Variants in FNDC5 observed in about 807,000 individuals in gnomAD.
The protein encoded by FNDC5 is fibronectin type III domain containing 5.
In FNDC5, 10 loss-of-function variants were observed where a neutral mutation model predicts 24.6. The observed-to-expected ratio is 0.41, with a 90% CI of 0.25 to 0.69. The LOEUF (loss-of-function observed/expected upper bound fraction) is 0.69, where lower values mean the gene tolerates loss of function less well. Among genes scored for constraint, FNDC5 ranks in the 30% least tolerant of loss-of-function variants. The pLI is 0.34. For synonymous variants in FNDC5, 90 were observed against 110.7 expected (o/e 0.81, Z 1.18); for missense variants, 226 against 282.9 (o/e 0.80, Z 1.44).
rs921152130 is a variant in FNDC5 at position 32,864,394 on chromosome 1, T to TC, written c.634-96dup. ...AGCAGGAATGGGCCAGACACCCCACTCCTATTGTCCCGCGCCAACCAAGAA... is the reference window on the plus strand; with the variant it reads ...AGCAGGAATGGGCCAGACACCCCACTCCCTATTGTCCCGCGCCAACCAAGAA... On this transcript the variant is annotated intron_variant, in intron 5 of 5. Transcript: ENST00000373471. 31 of 1,567,592 alleles carry TC rather than the reference T, an allele frequency of 2.0e-5. 1 individual carries two copies. The Middle Eastern group carries it at 1.3e-3, about 68-fold the overall frequency.
At position 32,868,642 on chromosome 1, in the gene FNDC5, G is replaced by C. The variant is rs1003335089; in HGVS notation, c.210+240C>G. Among the ~76,000 whole-genome samples the C allele has an allele frequency of 2.0e-5, 3 of 152,058 alleles. No individual in the cohort carries two copies. Among genetic ancestry groups the C allele is most frequent in the Non-Finnish European group, 2.9e-5 (2 of 68,014 alleles). The stretch of plus-strand genomic sequence containing the variant: ...CTGAGATCAAAACCTTAATTTCTGT[G>C]TTCCACTTGAAAGTTCCCAAACCCT... On this transcript the variant is annotated intron_variant, in intron 2 of 5. Coordinates refer to ENST00000373471, the MANE Select transcript of FNDC5 (RefSeq NM_153756.3). This position sits in a 1 kb window ranked among gnomAD's most constrained non-coding sequence, Gnocchi z 4.8.
At chr1:32,871,844 A>G (rs374173444), upstream of FNDC5, among the ~76,000 whole-genome samples, 83 of 152,298 alleles carry the variant, frequency 5.4e-4, 1 homozygote, top group African/African-American at 1.9e-3. Context: ...TGAGAAGGGG[A>G]GTGGCTCCAG....
At chr1:32,866,989 C>A (rs10914629) in intron 4 of FNDC5, among the ~76,000 whole-genome samples, 104,310 of 151,944 alleles carry the variant, frequency 0.69, 35,921 homozygotes, top group East Asian at 0.79. Flanking sequence ...ACTCAGGAGG[C>A]TAAGGCATGA....
At chr1:32,864,390 C>A in intron 5 of FNDC5, 91 bp from the exon 6 acceptor site, 1 of 1,578,528 alleles carries the variant, frequency 6.3e-7, no homozygotes. Flanking sequence ...GCCAGACACC[C>A]CACTCCTATT....
At chr1:32,867,935 G>A in intron 3 of FNDC5, 93 bp from the exon 4 acceptor site, 3 of 1,280,554 alleles carry the variant, frequency 2.3e-6, no homozygotes, top group Non-Finnish European at 3.4e-6. Context: ...GATTTCTACA[G>A]GTGCCCACAC....
At chr1:32,864,891 A>G in intron 4 of FNDC5, 94 bp from the exon 5 acceptor site, 1 of 1,535,414 alleles carries the variant, frequency 6.5e-7, no homozygotes, top group Non-Finnish European at 8.8e-7. Context: ...GTCTCTCCAG[A>G]TTGTACCTCA....
intron 4 of FNDC5, among the ~76,000 whole-genome samples, chr1:32,866,186 A>G (rs1186646198): frequency 6.6e-6 from 1 of 152,146 alleles, no homozygotes; most frequent in Non-Finnish European, 1.5e-5. Context: ...TTATATTGTT[A>G]TGATTATATA....
chr1:32,863,780 G>A lies in FNDC5; in HGVS notation c.*514C>T, dbSNP rs892357196. ...TCACTGAGGGCTTGTTTGGAAACTG[G>A]GAGGAAAAAAATGAGAGAAGCAGCC... On this transcript the variant is annotated 3_prime_UTR_variant, in exon 6 of 6. Transcript: ENST00000373471. The A allele has an allele frequency of 7.7e-7, 1 of 1,304,584 alleles. No homozygotes were observed. Among genetic ancestry groups the A allele is most frequent in the African/African-American group, 1.5e-5 (1 of 65,970 alleles). The allele number at this position is 1,304,584 out of a possible 1,614,324, so 80.8% of individuals were successfully genotyped here.
At chr1:32,871,888 T>A (rs1641190853), upstream of FNDC5, among the ~76,000 whole-genome samples, 1 of 152,068 alleles carries the variant, frequency 6.6e-6, no homozygotes, top group African/African-American at 2.4e-5. Flanking sequence ...AGAAACAAGG[T>A]GGAGGAGAGA....
At position 32,869,877 on chromosome 1, in the gene FNDC5, CAG is replaced by C. The variant is rs1387413093; in HGVS notation, c.94+774_94+775del. Among the ~76,000 whole-genome samples the C allele has an allele frequency of 3.9e-5, 6 of 152,150 alleles. No individual in the cohort carries two copies. In the East Asian group the frequency reaches 7.7e-4, roughly 20 times the overall value. ...CGCCTGAGCAGCACCCCTCACCCCA[CAG>C]AGAGTGAACTTGAGACCCAGGGGGC... On this transcript the variant is annotated intron_variant, in intron 1 of 5. Transcript: ENST00000373471.
In FNDC5 at chr1:32,870,444, A is replaced by C. The variant is rs1641158712; in HGVS notation, c.94+209T>G. Among the ~76,000 whole-genome samples the C allele has an allele frequency of 3.9e-5, 6 of 152,150 alleles. No homozygotes were observed. In the South Asian group the frequency reaches 1.2e-3, roughly 32 times the overall value. On this transcript the variant is annotated intron_variant, in intron 1 of 5. Coordinates refer to ENST00000373471, the MANE Select transcript of FNDC5 (RefSeq NM_153756.3). ...GGGACCACAAGACCCTAGGAAACCCAGGGCTGAGGTGACAGGGGAGATTTG... is the reference window on the plus strand; with the variant it reads ...GGGACCACAAGACCCTAGGAAACCCCGGGCTGAGGTGACAGGGGAGATTTG...
At chr1:32,864,567 C>T in intron 5 of FNDC5, 97 bp downstream of exon 5, 4 of 1,583,324 alleles carry the variant, frequency 2.5e-6, no homozygotes, top group Non-Finnish European at 3.4e-6. Flanking sequence ...GCCCAGCTGT[C>T]GCCATGCCAG....
In FNDC5 at chr1:32,870,749, T is replaced by C; in HGVS notation, c.-3A>G. The C allele has an allele frequency of 8.8e-7, 1 of 1,130,940 alleles. No homozygotes were observed. The highest frequency in any genetic ancestry group is 1.1e-6 in the Non-Finnish European group (1 of 924,202). The allele number at this position is 1,130,940 out of a possible 1,614,324, so 70.1% of individuals were successfully genotyped here. On this transcript the variant is annotated 5_prime_UTR_variant, in exon 1 of 6. Coordinates refer to ENST00000373471, the MANE Select transcript of FNDC5 (RefSeq NM_153756.3). Reference sequence around the variant, plus strand: ...GCGCTCGGCGACCCGGGGTGTATGGTGGCTCCTCCGGCCGGCAGGCCCGGG... The same window carrying C: ...GCGCTCGGCGACCCGGGGTGTATGGCGGCTCCTCCGGCCGGCAGGCCCGGG...
chr1:32,871,607 A>G (rs948793864), upstream of FNDC5, among the ~76,000 whole-genome samples: 2 of 152,202 alleles, frequency 1.3e-5, no homozygotes, highest in African/African-American at 4.8e-5. Flanking sequence ...CACACTTTGC[A>G]CAGGAGGAGC....
At chr1:32,867,726 G>A (rs981566156) in intron 4 of FNDC5, 27 bp downstream of exon 4, 6 of 1,606,996 alleles carry the variant, frequency 3.7e-6, no homozygotes, top group Non-Finnish European at 5.1e-6. Flanking sequence ...TCTGAGGGAA[G>A]AAGAAGGTCT....
Position 32,870,761 on chromosome 1 carries a change from CCGGCAGGCCCGGGG to C in FNDC5, c.-29_-16del. ...CCGGGGTGTATGGTGGCTCCTCCGG[CCGGCAGGCCCGGGG>C]CGGCGCAGGGGGACGCGGCTCCGGC... On this transcript the variant is annotated 5_prime_UTR_variant, in exon 1 of 6. Transcript: ENST00000373471. 2 of 1,073,074 alleles carry C rather than the reference CCGGCAGGCCCGGGG, an allele frequency of 1.9e-6. No homozygotes were observed. The highest frequency in any genetic ancestry group is 2.3e-6 in the Non-Finnish European group (2 of 885,840). 66.5% of individuals were successfully genotyped at this position (1,073,074 alleles called of 1,614,324 possible).
Position 32,870,700 on chromosome 1 carries a change from G to A in FNDC5, c.47C>T (p.Ala16Val). The A allele has an allele frequency of 8.4e-7, 1 of 1,197,334 alleles. No homozygotes were observed. Among genetic ancestry groups the A allele is most frequent in the Non-Finnish European group, 1.0e-6 (1 of 966,020 alleles). 74.2% of individuals were successfully genotyped at this position (1,197,334 alleles called of 1,614,324 possible). Residue 16 changes from alanine to valine, a missense_variant, in exon 1 of 6, where the codon GCG becomes GTG. Coordinates refer to ENST00000373471, the MANE Select transcript of FNDC5 (RefSeq NM_153756.3). ...GACGCAGCCCAGCCACAGGCGGAGC[G>A]CGGCGCGGGCGCGGGGCGGCCAGGC...
chr1:32,871,200 GGTA>G (rs1641179574), upstream of FNDC5, among the ~76,000 whole-genome samples: 1 of 150,962 alleles, frequency 6.6e-6, no homozygotes, highest in Admixed American at 6.6e-5. Flanking sequence ...CCTTTCCCAG[GGTA>G]GAGAGAGGAC....
chr1:32,866,713 G>GTT (rs1641077474), intron 4 of FNDC5, among the ~76,000 whole-genome samples: 1 of 151,940 alleles, frequency 6.6e-6, no homozygotes. Flanking sequence ...AAATGAAAAA[G>GTT]AAAAAAGAAG....
Sources: allele counts gnomAD v4.1 joint callset (sites outside exome capture counted in the v4.1 genomes callset), GRCh38; gene constraint gnomAD v4.1.1; non-coding constraint Gnocchi (gnomAD v3.1); transcripts MANE v1.5; gene names NCBI Gene and HGNC (gene_info 2026-07-23, HGNC 2026-07-21).